CNTNAP2: variants seen among roughly 807,000 people sequenced by gnomAD.
CNTNAP2 encodes the protein contactin associated protein 2.
In CNTNAP2, 98 loss-of-function variants were observed where a neutral mutation model predicts 155.2. That is an observed-to-expected ratio of 0.63 (90% CI 0.54 to 0.75). The LOEUF is 0.75. CNTNAP2 is among the 30% of genes least tolerant of loss of function. CNTNAP2 has a pLI of 0.00. For synonymous variants in CNTNAP2, 651 were observed against 631.2 expected (o/e 1.03, Z -0.47); for missense variants, 1,727 against 1,688.1 (o/e 1.02, Z -0.40).
chr7:146,545,504 C>A (rs1030210579), intron 1 of CNTNAP2, among the ~76,000 whole-genome samples: 1 of 151,726 alleles, frequency 6.6e-6, no homozygotes, highest in African/African-American at 2.4e-5. Context: ...CCCTCACCCC[C>A]CAACATGCCC....
chr7:148,401,808 C>T (rs528655496), intron 22 of CNTNAP2, among the ~76,000 whole-genome samples: 14 of 152,216 alleles, frequency 9.2e-5, no homozygotes, highest in African/African-American at 2.9e-4. Flanking sequence ...CCGTGTTAAC[C>T]AGGATGGTCT....
chr7:148,125,909 G>A (rs550155136), intron 16 of CNTNAP2, among the ~76,000 whole-genome samples: 1 of 151,940 alleles, frequency 6.6e-6, no homozygotes, highest in Admixed American at 6.6e-5. Flanking sequence ...CATCATGTTG[G>A]CCAGGCTGGT....
intron 5 of CNTNAP2, among the ~76,000 whole-genome samples, chr7:147,114,638 C>G (rs996530993): frequency 6.6e-6 from 1 of 152,086 alleles, no homozygotes; most frequent in Non-Finnish European, 1.5e-5. Flanking sequence ...GCAACCCCTG[C>G]TTTTTTCTGT....
At chr7:146,871,057 G>C (rs1006343634) in intron 3 of CNTNAP2, among the ~76,000 whole-genome samples, 1 of 152,174 alleles carries the variant, frequency 6.6e-6, no homozygotes, top group Non-Finnish European at 1.5e-5. Context: ...ATCTGTGTGT[G>C]AAATGTATTG....
intron 13 of CNTNAP2, among the ~76,000 whole-genome samples, chr7:147,842,520 GC>G (rs200778697): frequency 0.043 from 6,298 of 145,846 alleles, 195 homozygotes; most frequent in Admixed American, 0.12. Flanking sequence ...TTTAAAAATA[GC>G]TTTTATATTT....
intron 18 of CNTNAP2, among the ~76,000 whole-genome samples, chr7:148,174,178 T>C (rs1378048126): frequency 6.6e-6 from 1 of 152,242 alleles, no homozygotes; most frequent in Admixed American, 6.5e-5. Context: ...AAAATTTAAA[T>C]AGAAGACTGC....
chr7:148,315,483 G>T (rs1797672346), intron 21 of CNTNAP2, among the ~76,000 whole-genome samples: 2 of 152,120 alleles, frequency 1.3e-5, no homozygotes, highest in Admixed American at 6.5e-5. Flanking sequence ...AATGTCATCA[G>T]TTAAGGCAGG....
At chr7:147,671,068 C>T (rs1563047157) in intron 13 of CNTNAP2, among the ~76,000 whole-genome samples, 4 of 152,226 alleles carry the variant, frequency 2.6e-5, no homozygotes, top group Admixed American at 6.5e-5. Context: ...TCCACTTACC[C>T]GTGTGCTCCT....
chr7:146,743,930 A>T (rs549885329), intron 1 of CNTNAP2, among the ~76,000 whole-genome samples: 1 of 150,418 alleles, frequency 6.6e-6, no homozygotes, highest in South Asian at 2.1e-4. Flanking sequence ...TCAAAAATGC[A>T]TTTAACTTTA....
chr7:146,128,902 A>G (rs1189702797), intron 1 of CNTNAP2, among the ~76,000 whole-genome samples: 2 of 152,158 alleles, frequency 1.3e-5, no homozygotes, highest in Non-Finnish European at 2.9e-5. Context: ...TAAAACTTAC[A>G]TATCTGTATG....
At chr7:148,093,184 T>G (rs540402180) in intron 15 of CNTNAP2, among the ~76,000 whole-genome samples, 2 of 117,560 alleles carry the variant, frequency 1.7e-5, no homozygotes, top group South Asian at 5.7e-4. Context: ...CTGAGAGCTC[T>G]GCTAAAAAAA....
At chr7:147,269,494 A>G (rs1804691225) in intron 8 of CNTNAP2, among the ~76,000 whole-genome samples, 1 of 152,146 alleles carries the variant, frequency 6.6e-6, no homozygotes, top group South Asian at 2.1e-4. Context: ...ACATAAATAC[A>G]TGTGCAACCG....
intron 13 of CNTNAP2, among the ~76,000 whole-genome samples, chr7:147,684,097 C>T (rs1795986896): frequency 6.6e-6 from 1 of 151,764 alleles, no homozygotes; most frequent in Non-Finnish European, 1.5e-5. Context: ...GTAATGAGAT[C>T]ATCCTATTTC....
chr7:146,598,550 GTCAATTCACATTCC>G (rs1798898217), intron 1 of CNTNAP2, among the ~76,000 whole-genome samples: 2 of 152,152 alleles, frequency 1.3e-5, no homozygotes, highest in African/African-American at 4.8e-5. Context: ...CAGTCCAACA[GTCAATTCACATTCC>G]TCATTTATGG....
chr7:146,250,150 G>T (rs1027493762), intron 1 of CNTNAP2, among the ~76,000 whole-genome samples: 1 of 152,086 alleles, frequency 6.6e-6, no homozygotes, highest in African/African-American at 2.4e-5. Flanking sequence ...ACAAATTATA[G>T]TAACATCTTA....
chr7:146,189,826 C>G (rs1341038288), intron 1 of CNTNAP2, among the ~76,000 whole-genome samples: 1 of 152,172 alleles, frequency 6.6e-6, no homozygotes, highest in East Asian at 1.9e-4. Flanking sequence ...GAAGCCTTAT[C>G]ACACTTCAAT....
chr7:147,067,019 G>T (rs780234773), intron 4 of CNTNAP2, among the ~76,000 whole-genome samples: 1 of 152,108 alleles, frequency 6.6e-6, no homozygotes. Flanking sequence ...TAGGCTGGGC[G>T]CATTGGCTGA....
intron 13 of CNTNAP2, among the ~76,000 whole-genome samples, chr7:147,686,298 G>T (rs1796017103): frequency 6.6e-6 from 1 of 152,016 alleles, no homozygotes; most frequent in Admixed American, 6.6e-5. Flanking sequence ...GAGCAAGGAA[G>T]AAGTTGCATT....
rs971506491 is a variant in CNTNAP2, at chr7:146,422,359, G to GTA, written c.97+305398_97+305399dup. Among the ~76,000 whole-genome samples the GTA allele has an allele frequency of 4.5e-3, 667 of 148,152 alleles. 3 individuals carry two copies. Among genetic ancestry groups the GTA allele is most frequent in the African/African-American group, 0.013 (506 of 40,278 alleles). On this transcript the variant is annotated intron_variant, in intron 1 of 23. Transcript: ENST00000361727. ...TACATATATGTATGTGTATATATAT[G>GTA]TATATATATATATGTTAGCCATTTA...
Sources: gnomAD v4.1 joint callset for allele counts (sites outside exome capture counted in the v4.1 genomes callset) on GRCh38, gnomAD v4.1.1 for gene constraint, MANE v1.5 for transcripts, NCBI Gene and HGNC (gene_info 2026-07-23, HGNC 2026-07-21) for gene names.